MEGF6: variants seen among roughly 807,000 people sequenced by gnomAD.
MEGF6 encodes the protein multiple epidermal growth factor-like domains protein 6.
Under a neutral mutation model 207.1 loss-of-function variants are expected in MEGF6, and 184 were observed. The observed-to-expected ratio is 0.89, with a 90% confidence interval of 0.79 to 1.00. The LOEUF is 1.00. Ranked by LOEUF, MEGF6 falls within the 50% of genes least tolerant of loss-of-function variation. MEGF6 has a pLI of 0.00. For missense variants in MEGF6, 2,282 were observed against 2,202.9 expected, an observed-to-expected ratio of 1.04 and a Z score of -0.72; for synonymous variants, 1,038 against 910.0, an observed-to-expected ratio of 1.14 and a Z score of -2.53.
rs369183994 is a variant in MEGF6, at chr1:3,499,845, G to A, written c.2787C>T (p.Ser929=). ...CQHGAACDHV[S]GACTCPAGWR... ...AGCCGGCCGGGCAGGTGCAGGCCCC[G>A]CTGACGTGGTCACAGGCTGCTCCAT... Residue 929 remains serine, a synonymous_variant, in exon 22 of 37, where the codon AGC becomes AGT. Transcript: ENST00000356575. 1.0e-4 allele frequency: 155 copies of A among 1,554,006 alleles called. 3 individuals are homozygous for A. The East Asian group carries it at 2.6e-3, about 26-fold the overall frequency.
intron 7 of MEGF6, 119 bp downstream of exon 7, chr1:3,514,431 G>GGCC: frequency 1.5e-6 from 2 of 1,329,340 alleles, no homozygotes; most frequent in Non-Finnish European, 2.0e-6. Context: ...AAGGGGGCAA[G>GGCC]GCCAAAGGGC....
Position 3,553,509 on chromosome 1 carries a change from C to G in MEGF6, c.481+26316G>C, listed in dbSNP as rs539823430. On this transcript the variant is annotated intron_variant, in intron 4 of 36. Transcript: ENST00000356575. Reference sequence around the variant, plus strand: ...CACGGGAGAGAGGCCTCCCCACACCCCAGGCAGGGGAGCTGTCCTCAGAGA... The same window carrying G: ...CACGGGAGAGAGGCCTCCCCACACCGCAGGCAGGGGAGCTGTCCTCAGAGA... 2.0e-5 allele frequency among the ~76,000 whole-genome samples: 3 copies of G among 152,334 alleles called. No homozygotes were observed. In the East Asian group the frequency reaches 5.8e-4, roughly 29 times the overall value.
rs972362566 is a variant in MEGF6, at chr1:3,565,422, G to A, written c.481+14403C>T. 5.9e-5 allele frequency among the ~76,000 whole-genome samples: 9 copies of A among 152,202 alleles called. No individual in the cohort carries two copies. Among genetic ancestry groups the A allele is most frequent in the African/African-American group, 2.2e-4 (9 of 41,450 alleles). On this transcript the variant is annotated intron_variant, in intron 4 of 36. Transcript: ENST00000356575. The surrounding 1 kb of genome is among the most constrained non-coding windows in gnomAD (Gnocchi z 4.8). The stretch of plus-strand genomic sequence containing the variant: ...CTCTCAAGGCCACCAGGGGGTGCCA[G>A]CGCCCCACCCTGAGCACGCGGCAAG...
intron 11 of MEGF6, 54 bp from the exon 12 acceptor site, chr1:3,509,299 C>T (rs1397472080): frequency 3.6e-6 from 5 of 1,375,286 alleles, no homozygotes; most frequent in Admixed American, 6.8e-5. Context: ...CCTGCTCCAG[C>T]GACCCCCCGG....
chr1:3,495,102 G>A (rs866891930), intron 30 of MEGF6, among the ~76,000 whole-genome samples: 2 of 152,192 alleles, frequency 1.3e-5, no homozygotes, highest in Non-Finnish European at 2.9e-5. Flanking sequence ...CATCCTTCAG[G>A]CCTGAGAAGT....
At chr1:3,508,785 T>A (rs1641215924) in intron 12 of MEGF6, 96 bp from the exon 13 acceptor site, 18 of 1,477,242 alleles carry the variant, frequency 1.2e-5, no homozygotes, top group Non-Finnish European at 1.7e-5. Context: ...GGAAGGGGCA[T>A]AAGGGGCATC....
At chr1:3,508,509 G>C in intron 13 of MEGF6, 49 bp downstream of exon 13, 1 of 1,589,476 alleles carries the variant, frequency 6.3e-7, no homozygotes, top group Non-Finnish European at 8.6e-7. Context: ...CCAGGTCTTG[G>C]GGCTCAGAGG....
intron 34 of MEGF6, 121 bp from the exon 35 acceptor site, chr1:3,492,888 G>T: frequency 7.2e-7 from 1 of 1,388,742 alleles, no homozygotes; most frequent in Non-Finnish European, 9.7e-7. Context: ...CTGCCTGGGT[G>T]TGTGCGGGAG....
At chr1:3,527,583 C>T (rs979160623) in intron 4 of MEGF6, among the ~76,000 whole-genome samples, 2 of 152,200 alleles carry the variant, frequency 1.3e-5, no homozygotes, top group Admixed American at 6.5e-5. Flanking sequence ...GGATGGTTTG[C>T]GGGAAGATGC....
Position 3,488,174 on chromosome 1 carries a change from T to C in MEGF6, c.*2354A>G, listed in dbSNP as rs1640216565. On this transcript the variant is annotated 3_prime_UTR_variant, in exon 37 of 37. Transcript: ENST00000356575. ...TGGTCAGGAGTTTGTTTTTCCGTCG[T>C]CATTTGTAACCGTTAACATTAGGAT... 6.6e-6 allele frequency among the ~76,000 whole-genome samples: 1 copy of C among 152,216 alleles called. No individual in the cohort carries two copies. Among genetic ancestry groups the C allele is most frequent in the Admixed American group, 6.5e-5 (1 of 15,280 alleles).
chr1:3,605,082 A>G (rs936997050), intron 1 of MEGF6, among the ~76,000 whole-genome samples: 1 of 151,682 alleles, frequency 6.6e-6, no homozygotes, highest in African/African-American at 2.4e-5. Flanking sequence ...ACTCTCAGTC[A>G]CACACAAACT....
intron 4 of MEGF6, among the ~76,000 whole-genome samples, chr1:3,555,931 C>G (rs1643019249): frequency 6.6e-6 from 1 of 152,248 alleles, no homozygotes; most frequent in Admixed American, 6.5e-5. Flanking sequence ...GTCCCATCAT[C>G]TCTGGGGGAG....
chr1:3,581,938 C>T lies in MEGF6; in HGVS notation c.377-2009G>A, dbSNP rs571705352. 6.7e-4 allele frequency among the ~76,000 whole-genome samples: 101 copies of T among 151,562 alleles called. 1 individual carries two copies. The highest frequency in any genetic ancestry group is 1.1e-3 in the Non-Finnish European group (76 of 67,738). On this transcript the variant is annotated intron_variant, in intron 3 of 36. Transcript: ENST00000356575. The stretch of plus-strand genomic sequence containing the variant: ...CCCCATACCATTCCCTCCCTCCCTG[C>T]CCTCCCAGGAAGCATCTGCCTAAAT...
At chr1:3,590,680 C>T (rs189613852) in intron 3 of MEGF6, among the ~76,000 whole-genome samples, 45 of 152,304 alleles carry the variant, frequency 3.0e-4, no homozygotes, top group Non-Finnish European at 5.6e-4. Context: ...AATTTCACAA[C>T]GGCTGGGGGC....
chr1:3,523,754 G>A (rs1641854249), intron 5 of MEGF6, among the ~76,000 whole-genome samples: 1 of 152,214 alleles, frequency 6.6e-6, no homozygotes, highest in African/African-American at 2.4e-5. Flanking sequence ...ACCAGGCCAG[G>A]TCCCTGCTGA....
intron 4 of MEGF6, among the ~76,000 whole-genome samples, chr1:3,549,694 C>T (rs555729782): frequency 6.6e-6 from 1 of 152,368 alleles, no homozygotes; most frequent in Non-Finnish European, 1.5e-5. Flanking sequence ...ACAAGGGCTC[C>T]AGCTCGGGCT....
rs528505689 is a variant in MEGF6, at chr1:3,594,176, C to T, written c.376+1162G>A. On this transcript the variant is annotated intron_variant, in intron 3 of 36. Transcript: ENST00000356575. This position sits in a 1 kb window ranked among gnomAD's most constrained non-coding sequence, Gnocchi z 4.2. ...GGACATGGTGGCTCACACCTGTAAT[C>T]CCAGCACTTTGGAAGGCCGAGGTGG... Among the ~76,000 whole-genome samples the T allele has an allele frequency of 6.6e-6, 1 of 152,322 alleles. No homozygotes were observed. Among genetic ancestry groups the T allele is most frequent in the East Asian group, 1.9e-4 (1 of 5,172 alleles).
rs558736706 is a variant in MEGF6 at position 3,514,216 on chromosome 1, C to G, written c.853+334G>C. On this transcript the variant is annotated intron_variant, in intron 7 of 36. Coordinates refer to ENST00000356575, the MANE Select transcript of MEGF6 (RefSeq NM_001409.4). The stretch of plus-strand genomic sequence containing the variant: ...TGAGCTGAGATCACGCCACTGCACT[C>G]CAGCCTGGGCAATAGAGCGAGACTC... 2.3e-4 allele frequency among the ~76,000 whole-genome samples: 35 copies of G among 151,654 alleles called. No individual in the cohort carries two copies. The East Asian group carries it at 6.9e-3, about 30-fold the overall frequency.
intron 4 of MEGF6, among the ~76,000 whole-genome samples, chr1:3,553,542 C>G (rs2101603049): frequency 6.6e-6 from 1 of 152,292 alleles, no homozygotes; most frequent in Non-Finnish European, 1.5e-5. Context: ...AGATGGTGAT[C>G]CCTGAGCCAA....
Sources: gnomAD v4.1 joint callset for allele counts (sites outside exome capture counted in the v4.1 genomes callset) on GRCh38, gnomAD v4.1.1 for gene constraint, Gnocchi (gnomAD v3.1) non-coding constraint, MANE v1.5 for transcripts, NCBI Gene and HGNC (gene_info 2026-07-23, HGNC 2026-07-21) for gene names.